The following ZNF804B variants were observed in gnomAD, a reference collection of about 807,000 sequenced individuals.
ZNF804B encodes zinc finger 804B.
A neutral mutation model predicts 101.4 loss-of-function variants in ZNF804B; 80 were observed. The observed-to-expected ratio is 0.79, with a 90% CI of 0.66 to 0.95. ZNF804B has a LOEUF of 0.95. ZNF804B is among the 40% of genes least tolerant of loss of function. The pLI is 0.00. For missense variants in ZNF804B, 1,673 were observed against 1,561.9 expected (o/e 1.07, Z -1.20); for synonymous variants, 622 against 558.8 (o/e 1.11, Z -1.59).
chr7:89,224,885 C>T (rs771354494), intron 2 of ZNF804B, among the ~76,000 whole-genome samples: 6 of 151,994 alleles, frequency 3.9e-5, no homozygotes, highest in Non-Finnish European at 8.8e-5. Context: ...AAATTACTGT[C>T]TGTATCTTAG....
chr7:89,035,775 A>G (rs2116239061), intron 1 of ZNF804B, among the ~76,000 whole-genome samples: 2 of 151,214 alleles, frequency 1.3e-5, no homozygotes, highest in South Asian at 4.1e-4. Context: ...CAGGAAAAAC[A>G]TTCAAATGTC....
At chr7:88,844,255 T>C (rs1388003981) in intron 1 of ZNF804B, among the ~76,000 whole-genome samples, 1 of 152,234 alleles carries the variant, frequency 6.6e-6, no homozygotes, top group Non-Finnish European at 1.5e-5. Context: ...CTAATATCTT[T>C]TGCATTTTTC....
intron 1 of ZNF804B, among the ~76,000 whole-genome samples, chr7:88,795,289 T>A (rs188868561): frequency 8.7e-4 from 133 of 152,264 alleles, no homozygotes; most frequent in African/African-American, 2.6e-3. Flanking sequence ...CCAAATTTTT[T>A]AAAAATGGTA....
rs181850057 is a variant in ZNF804B at position 89,034,453 on chromosome 7, A to G, written c.109-183702A>G. Among the ~76,000 whole-genome samples the G allele has an allele frequency of 1.5e-4, 22 of 148,924 alleles. No individual in the cohort carries two copies. In the East Asian group the frequency reaches 3.8e-3, roughly 26 times the overall value. ...GTGTGATGTTCCCCTCCCTCTGTCC[A>G]TGTGTTCTCATTGTTTAACTCCCAC... On this transcript the variant is annotated intron_variant, in intron 1 of 3. Transcript: ENST00000333190.
chr7:88,854,609 G>A (rs1193749592), intron 1 of ZNF804B, among the ~76,000 whole-genome samples: 4 of 100,782 alleles, frequency 4.0e-5, no homozygotes, highest in East Asian at 5.8e-4. Context: ...CCCTTTCTTC[G>A]CTTTTTTTTT....
At chr7:89,026,681 T>C (rs1014786543) in intron 1 of ZNF804B, among the ~76,000 whole-genome samples, 16 of 152,012 alleles carry the variant, frequency 1.1e-4, no homozygotes, top group African/African-American at 3.9e-4. Flanking sequence ...GAGAATGAGA[T>C]AGAGAGGATA....
intron 1 of ZNF804B, among the ~76,000 whole-genome samples, chr7:88,813,635 C>G (rs962478612): frequency 6.6e-6 from 1 of 151,960 alleles, no homozygotes; most frequent in Non-Finnish European, 1.5e-5. Flanking sequence ...TTCAACATAA[C>G]AAAATGTATC....
At chr7:89,277,647 A>G (rs1209426) in intron 2 of ZNF804B, among the ~76,000 whole-genome samples, 36,751 of 150,184 alleles carry the variant, frequency 0.24, 4,709 homozygotes, top group Non-Finnish European at 0.27. Flanking sequence ...ATGATTTCCA[A>G]TTTCATCCAT....
At chr7:88,793,420 G>C (rs1790415416) in intron 1 of ZNF804B, among the ~76,000 whole-genome samples, 1 of 152,038 alleles carries the variant, frequency 6.6e-6, no homozygotes, top group Non-Finnish European at 1.5e-5. Context: ...GCAAATGTTT[G>C]TAACATAGAG....
intron 1 of ZNF804B, among the ~76,000 whole-genome samples, chr7:89,158,156 C>T (rs932211355): frequency 1.3e-5 from 2 of 152,124 alleles, no homozygotes; most frequent in African/African-American, 4.8e-5. Flanking sequence ...TGGTTTGAAT[C>T]ACTTTCTTGG....
chr7:89,271,046 A>G (rs1042012311), intron 2 of ZNF804B, among the ~76,000 whole-genome samples: 3 of 152,110 alleles, frequency 2.0e-5, no homozygotes, highest in African/African-American at 7.2e-5. Context: ...TTCCTAATTG[A>G]ATACCCTTTA....
At chr7:88,832,327 A>G (rs1450445988) in intron 1 of ZNF804B, among the ~76,000 whole-genome samples, 1 of 152,058 alleles carries the variant, frequency 6.6e-6, no homozygotes, top group Non-Finnish European at 1.5e-5. Flanking sequence ...TATTTTGTAT[A>G]CCTTAAAACA....
intron 2 of ZNF804B, among the ~76,000 whole-genome samples, chr7:89,271,496 G>C (rs189884678): frequency 6.6e-6 from 1 of 152,044 alleles, no homozygotes; most frequent in Non-Finnish European, 1.5e-5. Flanking sequence ...TTTTTGCATC[G>C]ATGTTCATCA....
chr7:88,828,556 A>G (rs556170010), intron 1 of ZNF804B, among the ~76,000 whole-genome samples: 1 of 152,240 alleles, frequency 6.6e-6, no homozygotes, highest in South Asian at 2.1e-4. Flanking sequence ...TCATTTCCTG[A>G]GTCATTTGGA....
intron 2 of ZNF804B, among the ~76,000 whole-genome samples, chr7:89,254,613 C>T (rs796667000): frequency 2.0e-5 from 3 of 151,520 alleles, no homozygotes; most frequent in African/African-American, 7.2e-5. Context: ...AGGATGAAAA[C>T]AGCCAGGACA....
chr7:88,846,597 G>C (rs1324165896), intron 1 of ZNF804B, among the ~76,000 whole-genome samples: 4 of 152,112 alleles, frequency 2.6e-5, no homozygotes, highest in Admixed American at 1.3e-4. Context: ...GAGCTCAACT[G>C]CTCACACACA....
At chr7:89,187,183 T>C (rs1788387179) in intron 1 of ZNF804B, among the ~76,000 whole-genome samples, 1 of 152,140 alleles carries the variant, frequency 6.6e-6, no homozygotes, top group African/African-American at 2.4e-5. Flanking sequence ...GCAAAACACT[T>C]GGCAGGGAAT....
intron 1 of ZNF804B, among the ~76,000 whole-genome samples, chr7:88,903,849 G>T (rs963881222): frequency 1.3e-5 from 2 of 151,952 alleles, no homozygotes; most frequent in Non-Finnish European, 2.9e-5. Flanking sequence ...CTGGATATTA[G>T]ACCTTGTTGA....
chr7:89,105,041 A>T (rs1179379419), intron 1 of ZNF804B, among the ~76,000 whole-genome samples: 1 of 152,118 alleles, frequency 6.6e-6, no homozygotes, highest in Non-Finnish European at 1.5e-5. Flanking sequence ...AGAATGGAAC[A>T]ATTCGCTTAA....
Sources: gnomAD v4.1 joint callset for allele counts (sites outside exome capture counted in the v4.1 genomes callset) on GRCh38, gnomAD v4.1.1 for gene constraint, MANE v1.5 for transcripts, NCBI Gene and HGNC (gene_info 2026-07-23, HGNC 2026-07-21) for gene names.